The following COL4A4 variants were observed in gnomAD, a reference collection of about 807,000 sequenced individuals.
COL4A4 encodes collagen type IV alpha 4 chain, also known as collagen alpha-4(IV) chain.
In COL4A4, 105 loss-of-function variants were observed where a neutral mutation model predicts 192.9. That is an observed-to-expected ratio of 0.54 (90% CI 0.46 to 0.64). The LOEUF is 0.64. COL4A4 is among the 30% of genes least tolerant of loss of function. COL4A4 has a pLI of 0.00. For missense variants in COL4A4, 1,967 were observed against 2,169.3 expected (o/e 0.91, Z 1.85); for synonymous variants, 762 against 769.9 (o/e 0.99, Z 0.17).
chr2:227,047,531 G>A lies in COL4A4; in HGVS notation c.3233C>T (p.Ala1078Val), dbSNP rs79143859. ...RGPKGNKGDP[A>V]SHFGPPGPKG... ...TGGACCAGGTGGACCAAAGTGACTGGCAGGGTCACCTTTGTTTCCTGAAAG... is the reference window on the plus strand; with the variant it reads ...TGGACCAGGTGGACCAAAGTGACTGACAGGGTCACCTTTGTTTCCTGAAAG... Residue 1078 changes from alanine (A) to valine (V), a missense_variant, in exon 35 of 48, where the codon GCC (alanine) becomes GTC (valine). Ala to Val is a moderately conservative substitution (Grantham distance 64, BLOSUM62 0). Transcript: ENST00000396625. 2.3e-3 allele frequency: 3,695 copies of A among 1,613,386 alleles called. 66 individuals are homozygous for A. In the African/African-American group the frequency reaches 0.044, roughly 19 times the overall value.
intron 4 of COL4A4, among the ~76,000 whole-genome samples, chr2:227,134,507 C>T (rs905909037): frequency 6.6e-6 from 1 of 152,162 alleles, no homozygotes; most frequent in Non-Finnish European, 1.5e-5. Context: ...AACCATGTAT[C>T]AGGCTACAGG....
At chr2:227,125,575 G>A (rs1328570468) in intron 4 of COL4A4, among the ~76,000 whole-genome samples, 51 of 151,818 alleles carry the variant, frequency 3.4e-4, no homozygotes, top group Non-Finnish European at 2.9e-5. Context: ...ATTATTGAAG[G>A]ATGCTAACTC....
At chr2:227,002,167 T>C (rs1448862498), downstream of COL4A4, among the ~76,000 whole-genome samples, 5 of 49,994 alleles carry the variant, frequency 1.0e-4, no homozygotes, top group African/African-American at 4.9e-4. Context: ...AGACCCTGTC[T>C]CAAAAAAAAA....
chr2:227,090,288 G>A (rs1355955446), intron 20 of COL4A4, among the ~76,000 whole-genome samples: 1 of 152,106 alleles, frequency 6.6e-6, no homozygotes, highest in East Asian at 1.9e-4. Flanking sequence ...TCAGTGTATG[G>A]CAAAGATATT....
At chr2:227,019,645 A>G (rs1451669325) in intron 44 of COL4A4, among the ~76,000 whole-genome samples, 1 of 152,028 alleles carries the variant, frequency 6.6e-6, no homozygotes, top group African/African-American at 2.4e-5. Flanking sequence ...TTCTCCCAAT[A>G]CCCTTGACTT....
Position 227,062,578 on chromosome 2 carries a change from C to T in COL4A4, c.2008G>A (p.Val670Ile), listed in dbSNP as rs34236495. The stretch of plus-strand genomic sequence containing the variant: ...GGGCCATGCCTCCCAGGGTAGGTTA[C>T]GTTGCAAGAAATTGTGTCACCTGCA... ...GQKGDTISCN[V>I]TYPGRHGPPG... The change falls in exon 26 of 48, where the codon GTA becomes ATA. Residue 670 changes from valine (V) to isoleucine (I), a missense_variant. Transcript: ENST00000396625. 4,684 of 1,612,738 alleles carry T rather than the reference C, an allele frequency of 2.9e-3. 114 individuals are homozygous for T. In the African/African-American group the frequency reaches 0.053, roughly 18 times the overall value.
intron 4 of COL4A4, among the ~76,000 whole-genome samples, chr2:227,122,889 G>C (rs139252107): frequency 0.011 from 1,689 of 151,942 alleles, 25 homozygotes; most frequent in African/African-American, 0.038. Flanking sequence ...TTTTGAGACA[G>C]GGTCTCACTC....
chr2:227,031,836 G>A, intron 40 of COL4A4, 109 bp downstream of exon 40: 1 of 830,200 alleles, frequency 1.2e-6, no homozygotes, highest in Non-Finnish European at 2.0e-6. Context: ...AGCTGATGGG[G>A]GGCTGCTTCA....
At chr2:227,159,294 T>C (rs1414592128) in intron 1 of COL4A4, among the ~76,000 whole-genome samples, 1 of 152,070 alleles carries the variant, frequency 6.6e-6, no homozygotes. Flanking sequence ...AGAAAGCAGA[T>C]CAGTAGTGGT....
chr2:227,132,383 G>T (rs79320472), intron 4 of COL4A4, among the ~76,000 whole-genome samples: 2,186 of 152,254 alleles, frequency 0.014, 52 homozygotes, highest in African/African-American at 0.05. Context: ...GGCCTCCATG[G>T]CCTGGTTGGA....
chr2:227,086,096 C>G (rs2059588451), intron 22 of COL4A4, among the ~76,000 whole-genome samples: 1 of 152,244 alleles, frequency 6.6e-6, no homozygotes, highest in South Asian at 2.1e-4. Flanking sequence ...CTCCTAGGCC[C>G]TAGTGCCTTG....
the COL4A4 span, chr2:226,988,291 CTGTCCTTCCCT>C: frequency 6.5e-7 from 1 of 1,535,248 alleles, no homozygotes; most frequent in Non-Finnish European, 8.8e-7. Context: ...GTCTCTTCCC[CTGTCCTTCCCT>C]TCCACTGTGC....
intron 4 of COL4A4, among the ~76,000 whole-genome samples, chr2:227,121,872 T>TA (rs1363696362): frequency 6.6e-6 from 1 of 152,146 alleles, no homozygotes; most frequent in Non-Finnish European, 1.5e-5. Flanking sequence ...AGCAAGAAAC[T>TA]AAAAAATCAA....
At chr2:226,988,098 C>G in the COL4A4 span, among the ~76,000 whole-genome samples, 3 of 152,172 alleles carry the variant, frequency 2.0e-5, no homozygotes, top group Non-Finnish European at 4.4e-5. Context: ...CAGTGTGTTT[C>G]AGGAGGAGGC....
intron 28 of COL4A4, among the ~76,000 whole-genome samples, chr2:227,058,032 GA>G (rs1302601106): frequency 6.6e-6 from 1 of 152,144 alleles, no homozygotes; most frequent in African/African-American, 2.4e-5. Context: ...CTTCAGGAAA[GA>G]ACATCCCCCA....
chr2:227,089,612 T>TATAC lies in COL4A4; in HGVS notation c.1459+255_1459+256insGTAT, dbSNP rs1383778504. On this transcript the variant is annotated intron_variant, in intron 21 of 47. Transcript: ENST00000396625. ...CCATATATATATATATATATATACA[T>TATAC]ACATATATATAAATATATAAGACAC... Among the ~76,000 whole-genome samples the TATAC allele has an allele frequency of 2.5e-4, 36 of 141,868 alleles. 1 individual carries two copies. Among genetic ancestry groups the TATAC allele is most frequent in the African/African-American group, 9.4e-4 (36 of 38,130 alleles). 93.1% of individuals were successfully genotyped at this position (141,868 alleles called of 152,430 possible).
At chr2:227,133,492 G>A (rs1301990346) in intron 4 of COL4A4, among the ~76,000 whole-genome samples, 2 of 152,220 alleles carry the variant, frequency 1.3e-5, no homozygotes, top group Non-Finnish European at 2.9e-5. Context: ...GACATCAGCT[G>A]CTGCTGCTAC....
intron 10 of COL4A4, 96 bp downstream of exon 10, chr2:227,109,128 G>T: frequency 8.7e-7 from 1 of 1,151,138 alleles, no homozygotes; most frequent in Non-Finnish European, 1.3e-6. Context: ...CTCTCAAACG[G>T]CCCACCTGTG....
chr2:227,045,829 TATACACAC>T (rs1559487623), intron 35 of COL4A4, among the ~76,000 whole-genome samples: 3,380 of 75,360 alleles, frequency 0.045, 672 homozygotes, highest in South Asian at 0.084. Flanking sequence ...CATATATATA[TATACACAC>T]ATATATATAT....
Sources: gnomAD v4.1 joint callset for allele counts (sites outside exome capture counted in the v4.1 genomes callset) on GRCh38, gnomAD v4.1.1 for gene constraint, MANE v1.5 for transcripts, NCBI Gene and HGNC (gene_info 2026-07-23, HGNC 2026-07-21) for gene names.